The following RAB30 variants were observed in gnomAD, a reference collection of about 807,000 sequenced individuals.
RAB30 encodes ras-related protein Rab-30.
Under a neutral mutation model 25.1 loss-of-function variants are expected in RAB30, and 9 were observed. The ratio of observed to expected loss-of-function variants is 0.36; its 90% CI spans 0.22 to 0.63. RAB30 has a LOEUF of 0.63. Among genes scored for constraint, RAB30 ranks in the 20% least tolerant of loss-of-function variants. The pLI, the probability that RAB30 is intolerant of heterozygous loss-of-function variation, is 0.69. For synonymous variants in RAB30, 77 were observed against 86.4 expected, an observed-to-expected ratio of 0.89 and a Z score of 0.60; for missense variants, 140 against 243.5, an observed-to-expected ratio of 0.58 and a Z score of 2.83.
At chr11:83,016,597 A>C (rs1857443743) in intron 1 of RAB30, among the ~76,000 whole-genome samples, 1 of 152,220 alleles carries the variant, frequency 6.6e-6, no homozygotes, top group African/African-American at 2.4e-5. Context: ...AAAGTTAAAA[A>C]TGTGCCCAAG....
At chr11:83,004,409 T>A (rs1475873228) in intron 1 of RAB30, among the ~76,000 whole-genome samples, 1 of 152,090 alleles carries the variant, frequency 6.6e-6, no homozygotes, top group South Asian at 2.1e-4. Context: ...GAACTGGACA[T>A]CCCATCTGAG....
chr11:83,030,009 G>A (rs1228385704), intron 1 of RAB30, among the ~76,000 whole-genome samples: 1 of 152,112 alleles, frequency 6.6e-6, no homozygotes, highest in Non-Finnish European at 1.5e-5. Context: ...AAACAATACA[G>A]AGCAATATAA....
At chr11:83,047,612 A>G (rs1201189583) in intron 1 of RAB30, among the ~76,000 whole-genome samples, 1 of 152,222 alleles carries the variant, frequency 6.6e-6, no homozygotes, top group Non-Finnish European at 1.5e-5. Context: ...AGCAAGGTAA[A>G]AGAAAAAATA....
chr11:83,067,958 T>A (rs1016269926), intron 1 of RAB30, among the ~76,000 whole-genome samples: 9 of 151,970 alleles, frequency 5.9e-5, no homozygotes, highest in Admixed American at 2.6e-4. Flanking sequence ...TGAGACCCTA[T>A]CTCTACTAAA....
intron 1 of RAB30, among the ~76,000 whole-genome samples, chr11:83,047,484 C>T (rs982515616): frequency 2.0e-5 from 3 of 152,132 alleles, no homozygotes; most frequent in Non-Finnish European, 2.9e-5. Flanking sequence ...ATTTCTTTTT[C>T]CCTCTATTGT....
intron 1 of RAB30, among the ~76,000 whole-genome samples, chr11:83,014,711 A>T (rs970693689): frequency 2.0e-5 from 3 of 151,106 alleles, no homozygotes; most frequent in African/African-American, 7.3e-5. Flanking sequence ...GAAGGAAGGA[A>T]GGATGGAGGC....
chr11:82,996,487 G>A (rs77843166), intron 2 of RAB30, among the ~76,000 whole-genome samples: 1 of 152,308 alleles, frequency 6.6e-6, no homozygotes, highest in African/African-American at 2.4e-5. Flanking sequence ...TTCAAGATAT[G>A]TATGTAATGG....
chr11:83,009,346 G>A (rs1217026733), intron 1 of RAB30, among the ~76,000 whole-genome samples: 1 of 152,154 alleles, frequency 6.6e-6, no homozygotes, highest in Non-Finnish European at 1.5e-5. Context: ...AATTACAGGC[G>A]TGAGCCACCG....
At chr11:83,022,168 G>A (rs1857594224) in intron 1 of RAB30, among the ~76,000 whole-genome samples, 1 of 147,232 alleles carries the variant, frequency 6.8e-6, no homozygotes, top group South Asian at 2.3e-4. Flanking sequence ...GAAGGGGTGG[G>A]AGAGATAGGG....
chr11:83,070,724 T>TA (rs1003187031), intron 1 of RAB30, among the ~76,000 whole-genome samples: 3 of 152,144 alleles, frequency 2.0e-5, no homozygotes, highest in Admixed American at 6.5e-5. Context: ...TCAGTTCGTT[T>TA]AAAAAAACAA....
chr11:83,057,648 G>C (rs543460791), intron 1 of RAB30, among the ~76,000 whole-genome samples: 40 of 152,270 alleles, frequency 2.6e-4, no homozygotes, highest in South Asian at 2.1e-4. Context: ...GGCCCAGATG[G>C]AAAGGGACCA....
chr11:83,043,155 A>G (rs1858164570), intron 1 of RAB30, among the ~76,000 whole-genome samples: 1 of 152,198 alleles, frequency 6.6e-6, no homozygotes, highest in Non-Finnish European at 1.5e-5. Context: ...ATGCTGTGCC[A>G]ATTCCAAGCC....
At chr11:83,062,627 G>A (rs1858607929) in intron 1 of RAB30, among the ~76,000 whole-genome samples, 2 of 152,186 alleles carry the variant, frequency 1.3e-5, no homozygotes, top group African/African-American at 4.8e-5. Flanking sequence ...ATATATTTAT[G>A]TGCACATAAA....
intron 2 of RAB30, 92 bp downstream of exon 2, chr11:82,997,132 T>C (rs755026524): frequency 9.8e-6 from 10 of 1,020,810 alleles, no homozygotes; most frequent in Non-Finnish European, 1.5e-5. Flanking sequence ...GCATTGAAAC[T>C]GGTCATCCAT....
chr11:83,064,941 A>G (rs562237527), intron 1 of RAB30, among the ~76,000 whole-genome samples: 2 of 152,046 alleles, frequency 1.3e-5, no homozygotes, highest in African/African-American at 4.8e-5. Context: ...TTTGGTTGTC[A>G]TATCTCTTTA....
intron 1 of RAB30, among the ~76,000 whole-genome samples, chr11:83,040,456 C>T (rs946802975): frequency 3.3e-5 from 5 of 151,844 alleles, no homozygotes; most frequent in East Asian, 1.9e-4. Context: ...CTGGGTGTGG[C>T]GGTGGACACC....
At position 82,979,080 on chromosome 11, in the gene RAB30, G is replaced by A. The variant is rs906024995; in HGVS notation, c.*3085C>T. 6.6e-6 allele frequency: 1 copy of A among 152,064 alleles called. No individual in the cohort carries two copies. The highest frequency in any genetic ancestry group is 2.4e-5 in the African/African-American group (1 of 41,408). 9.4% of individuals were successfully genotyped at this position (152,064 alleles called of 1,614,324 possible). On this transcript the variant is annotated 3_prime_UTR_variant, in exon 5 of 5. Transcript: ENST00000527633. ...CAAAAAATATTAATATAATTCAACA[G>A]ATTTAATAAAAGCACACAAAGGGAG... is the stretch of plus-strand genomic sequence containing the variant.
rs369726886 is a variant in RAB30 at position 82,987,794 on chromosome 11, C to G, written c.178-24G>C. The G allele has an allele frequency of 1.5e-5, 23 of 1,517,374 alleles. No homozygotes were observed. In the African/African-American group the frequency reaches 3.0e-4, roughly 20 times the overall value. The allele number at this position is 1,517,374 out of a possible 1,614,324, so 94.0% of individuals were successfully genotyped here. ...AGCTGTAAAGGCATAAGATAAGAAT[C>G]AGGTGAAGAAGGATCAGGTTGGAGA... On this transcript the variant is annotated intron_variant, in intron 3 of 4. Coordinates refer to ENST00000527633, the MANE Select transcript of RAB30 (RefSeq NM_001286060.2).
At chr11:83,056,465 G>A (rs887127465) in intron 1 of RAB30, among the ~76,000 whole-genome samples, 4 of 152,142 alleles carry the variant, frequency 2.6e-5, no homozygotes, top group African/African-American at 9.7e-5. Flanking sequence ...TTTGGCTATG[G>A]TGAATAATGC....
Sources: gnomAD v4.1 joint callset for allele counts (sites outside exome capture counted in the v4.1 genomes callset) on GRCh38, gnomAD v4.1.1 for gene constraint, MANE v1.5 for transcripts, NCBI Gene and HGNC (gene_info 2026-07-23, HGNC 2026-07-21) for gene names.